RBFOX1: variants seen among roughly 807,000 people sequenced by gnomAD.
RBFOX1 encodes RNA binding protein fox-1 homolog 1.
Under a neutral mutation model 57.7 loss-of-function variants are expected in RBFOX1, and 8 were observed. That is an observed-to-expected ratio of 0.14 (90% confidence interval 0.08 to 0.25). The LOEUF is 0.25. RBFOX1 is among the 10% of genes least tolerant of loss of function. The pLI is 1.00. For missense variants in RBFOX1, 611 were observed against 548.5 expected (o/e 1.11, Z -1.14); for synonymous variants, 326 against 222.4 (o/e 1.47, Z -4.15).
At chr16:6,528,601 C>G (rs149627952) in intron 2 of RBFOX1, among the ~76,000 whole-genome samples, 3 of 152,260 alleles carry the variant, frequency 2.0e-5, no homozygotes, top group East Asian at 1.9e-4. Flanking sequence ...AGGATAGATA[C>G]GATTTTAAAA....
chr16:5,655,533 C>T (rs1465998865), intron 3 of RBFOX1, among the ~76,000 whole-genome samples: 1 of 152,142 alleles, frequency 6.6e-6, no homozygotes, highest in Admixed American at 6.5e-5. Context: ...GCTTTAAATT[C>T]CTTCCCAGAA....
At chr16:6,162,975 C>T (rs1273703790) in intron 1 of RBFOX1, among the ~76,000 whole-genome samples, 1 of 152,158 alleles carries the variant, frequency 6.6e-6, no homozygotes, top group Non-Finnish European at 1.5e-5. Flanking sequence ...CTCAGGTGAT[C>T]CACCTGCCTC....
chr16:6,098,144 C>G (rs2096266666), intron 1 of RBFOX1, among the ~76,000 whole-genome samples: 1 of 151,182 alleles, frequency 6.6e-6, no homozygotes, highest in African/African-American at 2.4e-5. Context: ...CCTTCGTTGC[C>G]TGGAGTTCTA....
intron 3 of RBFOX1, chr16:6,723,647 G>A (rs1187401631): frequency 6.6e-6 from 1 of 152,150 alleles, no homozygotes; most frequent in Non-Finnish European, 1.5e-5. Flanking sequence ...TTTACGATTT[G>A]CATATATTAG....
intron 2 of RBFOX1, among the ~76,000 whole-genome samples, chr16:5,549,691 A>C (rs965981705): frequency 6.6e-6 from 1 of 152,238 alleles, no homozygotes; most frequent in Non-Finnish European, 1.5e-5. Flanking sequence ...ACCTAATACA[A>C]ATCATAGCAT....
intron 3 of RBFOX1, among the ~76,000 whole-genome samples, chr16:6,912,507 A>C (rs2071907784): frequency 6.6e-6 from 1 of 152,202 alleles, no homozygotes; most frequent in African/African-American, 2.4e-5. Context: ...TGGGTGGGCT[A>C]AGATAACTAA....
chr16:7,480,205 G>A (rs1205346376), intron 4 of RBFOX1, among the ~76,000 whole-genome samples: 3 of 152,220 alleles, frequency 2.0e-5, no homozygotes, highest in Non-Finnish European at 4.4e-5. Flanking sequence ...GTGAGGGGAT[G>A]TTCGTCTTTT....
At chr16:5,632,794 A>T (rs1490293323) in intron 3 of RBFOX1, among the ~76,000 whole-genome samples, 1 of 152,138 alleles carries the variant, frequency 6.6e-6, no homozygotes, top group African/African-American at 2.4e-5. Flanking sequence ...CCTTCCTTCA[A>T]ACCTGTGAGG....
At chr16:5,983,737 T>C (rs1255701299) in intron 4 of RBFOX1, among the ~76,000 whole-genome samples, 1 of 152,120 alleles carries the variant, frequency 6.6e-6, no homozygotes, top group Non-Finnish European at 1.5e-5. Context: ...GATTTGATTG[T>C]TTCTTCCACT....
chr16:6,345,268 T>C (rs1470785601), intron 2 of RBFOX1, among the ~76,000 whole-genome samples: 6 of 152,314 alleles, frequency 3.9e-5, no homozygotes, highest in Admixed American at 2.6e-4. Context: ...GTAACTTTTA[T>C]TGAAGCAACT....
chr16:7,202,901 T>C (rs1394103943), intron 4 of RBFOX1, among the ~76,000 whole-genome samples: 1 of 152,136 alleles, frequency 6.6e-6, no homozygotes, highest in African/African-American at 2.4e-5. Context: ...AATGTTCTTT[T>C]TTTTTGAGAC....
intron 4 of RBFOX1, among the ~76,000 whole-genome samples, chr16:7,181,226 A>G (rs1370271304): frequency 1.3e-5 from 2 of 152,114 alleles, no homozygotes; most frequent in Non-Finnish European, 2.9e-5. Flanking sequence ...TTAAATAGGG[A>G]AACTGCTATG....
chr16:6,876,464 T>G (rs35480735), intron 3 of RBFOX1, among the ~76,000 whole-genome samples: 1 of 152,178 alleles, frequency 6.6e-6, no homozygotes, highest in Non-Finnish European at 1.5e-5. Context: ...AATCACCACC[T>G]TGGTTTTTGT....
chr16:6,331,042 G>T lies in RBFOX1; in HGVS notation c.-64+13985G>T, dbSNP rs1308962687. 6.6e-5 allele frequency among the ~76,000 whole-genome samples: 10 copies of T among 152,318 alleles called. No individual in the cohort carries two copies. In the East Asian group the frequency reaches 1.9e-3, roughly 29 times the overall value. ...TAAGTGCCTTGGGCAGCTCTTAAGG[G>T]ATCTGAAAAAGTAAGGAAGTTAGTA... On this transcript the variant is annotated intron_variant, in intron 2 of 15. Transcript: ENST00000550418.
intron 1 of RBFOX1, among the ~76,000 whole-genome samples, chr16:5,301,059 G>A (rs193159272): frequency 6.6e-6 from 1 of 152,304 alleles, no homozygotes; most frequent in African/African-American, 2.4e-5. Context: ...CTCCCTTCAT[G>A]TGTGAACTAA....
At position 6,121,708 on chromosome 16, in the gene RBFOX1, C is replaced by G. The variant is rs567715201; in HGVS notation, c.-127+101716C>G. ...GGGGAGCTCTTAAGGTCAAGGGTGT[C>G]AGGGCTAGTCTGCTTTCTACATTTA... On this transcript the variant is annotated intron_variant, in intron 1 of 15. Coordinates refer to ENST00000550418, the MANE Select transcript of RBFOX1 (RefSeq NM_018723.4). 4.6e-5 allele frequency among the ~76,000 whole-genome samples: 7 copies of G among 152,190 alleles called. No individual in the cohort carries two copies. The South Asian group carries it at 1.0e-3, about 23-fold the overall frequency.
intron 3 of RBFOX1, among the ~76,000 whole-genome samples, chr16:6,959,617 G>T (rs1163472883): frequency 6.6e-6 from 1 of 152,122 alleles, no homozygotes; most frequent in South Asian, 2.1e-4. Flanking sequence ...AACTGTTCCA[G>T]CACTGACTGA....
chr16:5,783,259 CTA>C (rs1169001002), intron 3 of RBFOX1, among the ~76,000 whole-genome samples: 1 of 152,140 alleles, frequency 6.6e-6, no homozygotes, highest in Non-Finnish European at 1.5e-5. Flanking sequence ...ACCTGTGTAA[CTA>C]TCTTTTCAAT....
chr16:7,097,647 C>T (rs2061931532), intron 4 of RBFOX1, among the ~76,000 whole-genome samples: 1 of 152,088 alleles, frequency 6.6e-6, no homozygotes, highest in South Asian at 2.1e-4. Flanking sequence ...TGTACTAAAC[C>T]CAGGGCCTCT....
Sources: gnomAD v4.1 joint callset for allele counts (sites outside exome capture counted in the v4.1 genomes callset) on GRCh38, gnomAD v4.1.1 for gene constraint, MANE v1.5 for transcripts, NCBI Gene and HGNC (gene_info 2026-07-23, HGNC 2026-07-21) for gene names.